Variants in CFAP299 observed in about 807,000 individuals in gnomAD.
The protein encoded by CFAP299 is cilia and flagella associated protein 299, also known as cilia- and flagella-associated protein 299.
In CFAP299, 21 loss-of-function variants were observed where a neutral mutation model predicts 27.0. That is an observed-to-expected ratio of 0.78 (90% CI 0.55 to 1.12). The LOEUF (loss-of-function observed/expected upper bound fraction) is 1.12. Ranked by LOEUF, CFAP299 falls within the 50% of genes most tolerant of loss-of-function variation. CFAP299 has a pLI of 0.00. For missense variants in CFAP299, 310 were observed against 276.6 expected (o/e 1.12, Z -0.86); for synonymous variants, 104 against 98.1 (o/e 1.06, Z -0.36).
chr4:80,752,486 CATG>C (rs1205107345), intron 3 of CFAP299, among the ~76,000 whole-genome samples: 1 of 147,320 alleles, frequency 6.8e-6, no homozygotes, highest in East Asian at 2.0e-4. Context: ...ATTAAGTTTT[CATG>C]ATATGTATTT....
chr4:80,930,357 T>G (rs1339195688), intron 4 of CFAP299, among the ~76,000 whole-genome samples: 1 of 152,168 alleles, frequency 6.6e-6, no homozygotes, highest in Non-Finnish European at 1.5e-5. Context: ...TTCTGTGAGC[T>G]GCCGTAGCAA....
At chr4:80,774,286 A>G (rs1726391935) in intron 3 of CFAP299, among the ~76,000 whole-genome samples, 1 of 151,930 alleles carries the variant, frequency 6.6e-6, no homozygotes, top group South Asian at 2.1e-4. Context: ...AAAACTTTGC[A>G]TAAACAAATA....
Position 80,561,014 on chromosome 4 carries a change from G to A in CFAP299, c.243-22079G>A, listed in dbSNP as rs1161241018. Reference sequence around the variant, plus strand: ...TTACATCACGCCTTGATGAGACTCAGTGCTTTTCTGGCTTCAGGTCTGATG... The same window carrying A: ...TTACATCACGCCTTGATGAGACTCAATGCTTTTCTGGCTTCAGGTCTGATG... On this transcript the variant is annotated intron_variant, in intron 2 of 5. Coordinates refer to ENST00000358105, the MANE Select transcript of CFAP299 (RefSeq NM_152770.3). Among the ~76,000 whole-genome samples the A allele has an allele frequency of 5.3e-5, 8 of 152,272 alleles. No individual in the cohort carries two copies. In the East Asian group the frequency reaches 1.2e-3, roughly 22 times the overall value.
At chr4:80,682,576 T>C (rs969642457) in intron 3 of CFAP299, among the ~76,000 whole-genome samples, 2 of 1,246 alleles carry the variant, frequency 1.6e-3, no homozygotes, top group Admixed American at 0.021. Context: ...GCATACCACA[T>C]TTTTTTTTTT....
chr4:80,833,560 TA>T (rs1730409628), intron 3 of CFAP299, among the ~76,000 whole-genome samples: 1 of 152,196 alleles, frequency 6.6e-6, no homozygotes, highest in Non-Finnish European at 1.5e-5. Context: ...TTAGTAGCTC[TA>T]AAAAGCTTAA....
At chr4:80,838,585 T>C (rs1409391852) in intron 3 of CFAP299, among the ~76,000 whole-genome samples, 1 of 152,158 alleles carries the variant, frequency 6.6e-6, no homozygotes, top group Non-Finnish European at 1.5e-5. Context: ...TTGTGTGGTC[T>C]TATTTCGGAG....
At chr4:80,876,130 T>C (rs557250421) in intron 4 of CFAP299, among the ~76,000 whole-genome samples, 1 of 148,346 alleles carries the variant, frequency 6.7e-6, no homozygotes, top group East Asian at 1.9e-4. Flanking sequence ...TTACATATTA[T>C]ATATAAATAT....
At chr4:80,578,577 T>C (rs758598617) in intron 2 of CFAP299, among the ~76,000 whole-genome samples, 14 of 152,148 alleles carry the variant, frequency 9.2e-5, no homozygotes, top group South Asian at 4.1e-4. Flanking sequence ...GAACTTAGGA[T>C]ATTTCAGGAT....
At chr4:80,417,460 A>G (rs1434678711) in intron 2 of CFAP299, among the ~76,000 whole-genome samples, 1 of 152,050 alleles carries the variant, frequency 6.6e-6, no homozygotes, top group South Asian at 2.1e-4. Context: ...CCTGATTCAA[A>G]CACCTCTTAC....
chr4:80,375,226 A>G (rs1724344148), intron 2 of CFAP299, among the ~76,000 whole-genome samples: 1 of 152,238 alleles, frequency 6.6e-6, no homozygotes, highest in Admixed American at 6.5e-5. Flanking sequence ...AGCACAAAGG[A>G]TACCCAGTAA....
At chr4:80,390,748 T>G (rs1219435679) in intron 2 of CFAP299, among the ~76,000 whole-genome samples, 1 of 121,920 alleles carries the variant, frequency 8.2e-6, no homozygotes, top group African/African-American at 3.5e-5. Flanking sequence ...TATATGTATA[T>G]ATACACACAT....
At chr4:80,858,064 G>A (rs1560448665) in intron 3 of CFAP299, among the ~76,000 whole-genome samples, 1 of 152,036 alleles carries the variant, frequency 6.6e-6, no homozygotes, top group Non-Finnish European at 1.5e-5. Context: ...GTAAGCTATT[G>A]ATTATTGCCA....
intron 3 of CFAP299, among the ~76,000 whole-genome samples, chr4:80,631,987 G>C (rs1739237568): frequency 6.6e-6 from 1 of 150,822 alleles, no homozygotes; most frequent in Non-Finnish European, 1.5e-5. Context: ...ACAAATTTGT[G>C]CCCTTATAAA....
chr4:80,799,670 AAT>A (rs376655396), intron 3 of CFAP299, among the ~76,000 whole-genome samples: 1 of 9,018 alleles, frequency 1.1e-4, no homozygotes, highest in African/African-American at 2.6e-4. Context: ...ATATTTTATA[AAT>A]ATATATTTAT....
chr4:80,366,448 G>C (rs1421839076), intron 2 of CFAP299, among the ~76,000 whole-genome samples: 1 of 152,178 alleles, frequency 6.6e-6, no homozygotes. Flanking sequence ...TGTTCAAGAA[G>C]AAGGCAAAAA....
rs1725169040 is a variant in CFAP299 at position 80,388,732 on chromosome 4, T to C, written c.242+25848T>C. The C allele has an allele frequency of 5.3e-6, 3 of 561,992 alleles. No homozygotes were observed. The African/African-American group carries it at 5.9e-5, about 11-fold the overall frequency. The allele number at this position is 561,992 out of a possible 1,614,324, so 34.8% of individuals were successfully genotyped here. ...CCTGCACCATCTTGGAGCCCCTATA[T>C]TTCTTATAATTAATCAATAGATTTT... On this transcript the variant is annotated intron_variant, in intron 2 of 5. Transcript: ENST00000358105.
At chr4:80,755,427 A>G (rs1190572504) in intron 3 of CFAP299, among the ~76,000 whole-genome samples, 1 of 152,146 alleles carries the variant, frequency 6.6e-6, no homozygotes, top group African/African-American at 2.4e-5. Context: ...TTTCAATTAT[A>G]AATTATGACC....
At chr4:80,322,885 G>T in the CFAP299 span, among the ~76,000 whole-genome samples, 1 of 152,144 alleles carries the variant, frequency 6.6e-6, no homozygotes, top group East Asian at 1.9e-4. Context: ...GGCACCTTTG[G>T]CAGACAGAAG....
At chr4:80,386,246 GC>G (rs1724982212) in intron 2 of CFAP299, 6 of 1,125,464 alleles carry the variant, frequency 5.3e-6, no homozygotes, top group Non-Finnish European at 7.7e-6. Context: ...CCGGCCTGCA[GC>G]CCCGCCAGAG....
Sources: gnomAD v4.1 joint callset for allele counts (sites outside exome capture counted in the v4.1 genomes callset) on GRCh38, gnomAD v4.1.1 for gene constraint, MANE v1.5 for transcripts, NCBI Gene and HGNC (gene_info 2026-07-23, HGNC 2026-07-21) for gene names.